IGF2BP2: variants seen among roughly 807,000 people sequenced by gnomAD.
IGF2BP2 encodes insulin-like growth factor 2 mRNA-binding protein 2.
A neutral mutation model predicts 75.8 loss-of-function variants in IGF2BP2; 17 were observed. That is an observed-to-expected ratio of 0.22 (90% CI 0.15 to 0.34). The LOEUF is 0.34. Among genes scored for constraint, IGF2BP2 ranks in the 10% least tolerant of loss-of-function variants. The probability of loss-of-function intolerance (pLI) is 1.00; values close to 1 mark genes in which losing one functional copy is unlikely to be tolerated. For missense variants in IGF2BP2, 516 were observed against 772.4 expected (o/e 0.67, Z 3.93); for synonymous variants, 288 against 295.6 (o/e 0.97, Z 0.26).
chr3:185,698,186 A>G (rs1578009614), intron 3 of IGF2BP2, 113 bp downstream of exon 3: 1 of 855,526 alleles, frequency 1.2e-6, no homozygotes, highest in African/African-American at 1.7e-5. Context: ...AGAAAGAGGC[A>G]GGACCCAGAA....
chr3:185,745,590 A>T (rs1311900786), intron 2 of IGF2BP2, among the ~76,000 whole-genome samples: 1 of 152,174 alleles, frequency 6.6e-6, no homozygotes, highest in Non-Finnish European at 1.5e-5. Flanking sequence ...AAGAATGCCT[A>T]AGATGATTCA....
intron 2 of IGF2BP2, among the ~76,000 whole-genome samples, chr3:185,737,088 TTTGA>T (rs1388912518): frequency 6.6e-6 from 1 of 152,272 alleles, no homozygotes; most frequent in Non-Finnish European, 1.5e-5. Flanking sequence ...TATATACTGC[TTTGA>T]TTGATTCTAA....
At chr3:185,733,943 T>C (rs1728523364) in intron 2 of IGF2BP2, among the ~76,000 whole-genome samples, 1 of 152,180 alleles carries the variant, frequency 6.6e-6, no homozygotes, top group South Asian at 2.1e-4. Flanking sequence ...TCACTCACCT[T>C]GCAATTTAAG....
At chr3:185,742,212 G>A (rs562522905) in intron 2 of IGF2BP2, among the ~76,000 whole-genome samples, 13 of 149,350 alleles carry the variant, frequency 8.7e-5, no homozygotes, top group Admixed American at 4.7e-4. Flanking sequence ...AAAATTAGCC[G>A]GCCAGGCACA....
chr3:185,780,703 C>G (rs115854208), intron 2 of IGF2BP2, among the ~76,000 whole-genome samples: 1 of 152,104 alleles, frequency 6.6e-6, no homozygotes, highest in African/African-American at 2.4e-5. Flanking sequence ...CACATTCCCA[C>G]GGATGATATG....
In IGF2BP2 at chr3:185,764,504, G is replaced by GA. The variant is rs752017469; in HGVS notation, c.239+58648dup. On this transcript the variant is annotated intron_variant, in intron 2 of 15. Transcript: ENST00000382199. ...GGGAGAAGCATTCCTAATATTCAGT[G>GA]AAACAGACAAGAAGCCCTTGATGGA... is the stretch of plus-strand genomic sequence containing the variant. Among the ~76,000 whole-genome samples, 53 of 152,264 alleles carry GA rather than the reference G, an allele frequency of 3.5e-4. 1 individual carries two copies. Among genetic ancestry groups the GA allele is most frequent in the South Asian group, 1.0e-3 (5 of 4,830 alleles).
chr3:185,719,173 A>G (rs1726120990), intron 2 of IGF2BP2, among the ~76,000 whole-genome samples: 1 of 152,194 alleles, frequency 6.6e-6, no homozygotes, highest in East Asian at 1.9e-4. Context: ...TAAGGTGAAG[A>G]GTTTGCACTG....
intron 2 of IGF2BP2, among the ~76,000 whole-genome samples, chr3:185,757,845 T>C (rs1240375555): frequency 2.0e-5 from 3 of 152,174 alleles, no homozygotes; most frequent in African/African-American, 4.8e-5. Flanking sequence ...CAGTAAATGA[T>C]TGCTGATTGA....
At chr3:185,767,776 T>G (rs1288583148) in intron 2 of IGF2BP2, 1 of 154,132 alleles carries the variant, frequency 6.5e-6, no homozygotes, top group Non-Finnish European at 1.5e-5. Context: ...AATGATTTCA[T>G]GTACTGTTCA....
chr3:185,748,093 G>A (rs1263794349), intron 2 of IGF2BP2, among the ~76,000 whole-genome samples: 1 of 152,010 alleles, frequency 6.6e-6, no homozygotes, highest in Non-Finnish European at 1.5e-5. Flanking sequence ...CTGACCTTGT[G>A]ATCCATTTCA....
rs1288792596 is a variant in IGF2BP2 at position 185,771,360 on chromosome 3, G to GA, written c.239+51792dup. Among the ~76,000 whole-genome samples, 13 of 9,398 alleles carry GA rather than the reference G, an allele frequency of 1.4e-3. No homozygotes were observed. The South Asian group carries it at 0.019, about 14-fold the overall frequency. 6.2% of individuals were successfully genotyped at this position (9,398 alleles called of 152,430 possible). The stretch of plus-strand genomic sequence containing the variant: ...GGTGGCTGAGGCAGGAGAATCACGT[G>GA]AACCTGGGAGGTGGAGTTGCAGTGG... On this transcript the variant is annotated intron_variant, in intron 2 of 15. Transcript: ENST00000382199.
chr3:185,694,647 C>T (rs1247686524), intron 4 of IGF2BP2, among the ~76,000 whole-genome samples: 2 of 152,160 alleles, frequency 1.3e-5, no homozygotes, highest in African/African-American at 2.4e-5. Flanking sequence ...CACACAGCTG[C>T]CCTAGGACCT....
At chr3:185,824,688 C>G in intron 1 of IGF2BP2, 95 bp downstream of exon 1, 1 of 993,020 alleles carries the variant, frequency 1.0e-6, no homozygotes, top group Non-Finnish European at 1.3e-6. Context: ...CGGGAGCCGC[C>G]GCCGGGCGCC....
At chr3:185,700,742 G>C (rs1723179299) in intron 2 of IGF2BP2, among the ~76,000 whole-genome samples, 1 of 152,118 alleles carries the variant, frequency 6.6e-6, no homozygotes, top group South Asian at 2.1e-4. Context: ...AATGAGCACA[G>C]AGAGATGTGA....
intron 12 of IGF2BP2, among the ~76,000 whole-genome samples, chr3:185,654,496 A>C (rs895109353): frequency 6.6e-6 from 1 of 152,194 alleles, no homozygotes. Flanking sequence ...ACGCTGACCA[A>C]ATCAGTTCTG....
At chr3:185,720,116 G>A (rs1425182935) in intron 2 of IGF2BP2, among the ~76,000 whole-genome samples, 1 of 152,212 alleles carries the variant, frequency 6.6e-6, no homozygotes, top group Non-Finnish European at 1.5e-5. Context: ...GCGTAAAGCA[G>A]TGCATTGAAC....
At chr3:185,729,679 C>T (rs1032997916) in intron 2 of IGF2BP2, 3 of 152,186 alleles carry the variant, frequency 2.0e-5, no homozygotes, top group Non-Finnish European at 4.4e-5. Flanking sequence ...TCAGATACTA[C>T]ATGGCAACTA....
chr3:185,740,746 A>T (rs1385333005), intron 2 of IGF2BP2, among the ~76,000 whole-genome samples: 1 of 152,252 alleles, frequency 6.6e-6, no homozygotes, highest in Non-Finnish European at 1.5e-5. Context: ...TAGAGCCAGG[A>T]TGTAAGCTTG....
chr3:185,769,890 C>T (rs1254307155), intron 2 of IGF2BP2, among the ~76,000 whole-genome samples: 1 of 149,692 alleles, frequency 6.7e-6, no homozygotes, highest in Non-Finnish European at 1.5e-5. Flanking sequence ...CCACATGAAC[C>T]AAGAGGTCTG....
Sources: allele counts gnomAD v4.1 joint callset (sites outside exome capture counted in the v4.1 genomes callset), GRCh38; gene constraint gnomAD v4.1.1; transcripts MANE v1.5; gene names NCBI Gene and HGNC (gene_info 2026-07-23, HGNC 2026-07-21).